The following LIMA1 variants were observed in gnomAD, a reference collection of about 807,000 sequenced individuals.
The protein encoded by LIMA1 is LIM domain and actin binding 1.
In LIMA1, 52 loss-of-function variants were observed where a neutral mutation model predicts 62.6. The observed-to-expected ratio is 0.83, with a 90% CI of 0.67 to 1.05. The LOEUF (loss-of-function observed/expected upper bound fraction) is 1.05, where lower values mean the gene tolerates loss of function less well. Ranked by LOEUF, LIMA1 falls within the 50% of genes least tolerant of loss-of-function variation. The pLI, the probability that LIMA1 is intolerant of heterozygous loss-of-function variation, is 0.00. For missense variants in LIMA1, 780 were observed against 902.2 expected (o/e 0.86, Z 1.74); for synonymous variants, 302 against 317.8 (o/e 0.95, Z 0.53).
At position 50,260,147 on chromosome 12, in the gene LIMA1, C is replaced by CTT. The variant is rs869151267; in HGVS notation, c.-23-11375_-23-11374dup. On this transcript the variant is annotated intron_variant, in intron 1 of 10. Coordinates refer to ENST00000341247, the MANE Select transcript of LIMA1 (RefSeq NM_016357.5). ...TTCCTGGCTTCCACTCCTAGAGTTT[C>CTT]TTTTTTTTTTTTTTTTTTAGACAGA... 5.5e-3 allele frequency among the ~76,000 whole-genome samples: 746 copies of CTT among 135,272 alleles called. 7 individuals are homozygous for CTT. Among genetic ancestry groups the CTT allele is most frequent in the African/African-American group, 0.019 (723 of 37,260 alleles). 88.7% of individuals were successfully genotyped at this position (135,272 alleles called of 152,430 possible).
intron 1 of LIMA1, among the ~76,000 whole-genome samples, chr12:50,281,670 A>G (rs1031518111): frequency 6.6e-6 from 1 of 152,250 alleles, no homozygotes; most frequent in African/African-American, 2.4e-5. Flanking sequence ...CATTAACAAC[A>G]GGGTCTAATC....
chr12:50,220,540 A>T (rs115167754), intron 4 of LIMA1: 2,119 of 152,348 alleles, frequency 0.014, 45 homozygotes, highest in African/African-American at 0.049. Flanking sequence ...CAGTTTCAAC[A>T]TGCAGCAGCC....
chr12:50,277,282 T>C (rs1367032913), intron 1 of LIMA1, among the ~76,000 whole-genome samples: 1 of 152,070 alleles, frequency 6.6e-6, no homozygotes, highest in Admixed American at 6.6e-5. Context: ...TTTATACTTC[T>C]ATTTTCCTGA....
chr12:50,231,931 C>A (rs565903068), intron 2 of LIMA1, among the ~76,000 whole-genome samples: 1 of 151,546 alleles, frequency 6.6e-6, no homozygotes, highest in Non-Finnish European at 1.5e-5. Flanking sequence ...CCATGCCCAG[C>A]TAATTTTTGT....
intron 2 of LIMA1, among the ~76,000 whole-genome samples, chr12:50,245,428 AGAG>A (rs1178154836): frequency 1.4e-5 from 2 of 147,934 alleles, no homozygotes; most frequent in African/African-American, 5.0e-5. Flanking sequence ...AAAAAAAAAA[AGAG>A]AGAGAGAGAA....
chr12:50,276,206 A>G (rs1407615495), intron 1 of LIMA1, among the ~76,000 whole-genome samples: 1 of 152,166 alleles, frequency 6.6e-6, no homozygotes, highest in Non-Finnish European at 1.5e-5. Context: ...GACTGATTAA[A>G]GAACTCTTAT....
chr12:50,257,128 T>C (rs1942006777), intron 1 of LIMA1, among the ~76,000 whole-genome samples: 1 of 152,216 alleles, frequency 6.6e-6, no homozygotes, highest in South Asian at 2.1e-4. Flanking sequence ...GTCTTGCTTA[T>C]GGCAATTATT....
At chr12:50,277,214 T>TC (rs760202008) in intron 1 of LIMA1, among the ~76,000 whole-genome samples, 1 of 151,954 alleles carries the variant, frequency 6.6e-6, no homozygotes, top group Non-Finnish European at 1.5e-5. Flanking sequence ...CTTTTTGACT[T>TC]CTTTTTTTTT....
At chr12:50,219,875 G>C (rs1300387396) in intron 4 of LIMA1, 1 of 151,988 alleles carries the variant, frequency 6.6e-6, no homozygotes, top group Non-Finnish European at 1.5e-5. Flanking sequence ...TAGTAGAGAC[G>C]AGGTCTGGCT....
chr12:50,235,708 A>G (rs1941682477), intron 2 of LIMA1, among the ~76,000 whole-genome samples: 1 of 152,246 alleles, frequency 6.6e-6, no homozygotes, highest in Non-Finnish European at 1.5e-5. Context: ...TTCGTTGACC[A>G]TAACTAGGAA....
At chr12:50,182,091 C>T in intron 9 of LIMA1, 54 bp from the exon 10 acceptor site, 2 of 1,599,488 alleles carry the variant, frequency 1.3e-6, no homozygotes, top group South Asian at 2.2e-5. Flanking sequence ...TTAGCACTGT[C>T]TTGAGATGGA....
chr12:50,228,516 C>T (rs1217516350), intron 3 of LIMA1, among the ~76,000 whole-genome samples: 8 of 152,210 alleles, frequency 5.3e-5, no homozygotes, highest in Admixed American at 5.2e-4. Context: ...CTGCTGGTTA[C>T]TCCTTATATC....
chr12:50,275,772 C>G (rs1001607336), intron 1 of LIMA1, among the ~76,000 whole-genome samples: 1 of 152,086 alleles, frequency 6.6e-6, no homozygotes, highest in South Asian at 2.1e-4. Context: ...ATTGTAGGGT[C>G]ACAGTGCCAG....
At chr12:50,247,043 G>A (rs963306542) in intron 2 of LIMA1, among the ~76,000 whole-genome samples, 3 of 152,178 alleles carry the variant, frequency 2.0e-5, no homozygotes, top group African/African-American at 7.2e-5. Context: ...GGCTGAGGTG[G>A]GAGGATTGCT....
At chr12:50,267,665 G>A (rs527494709) in intron 1 of LIMA1, among the ~76,000 whole-genome samples, 1 of 151,724 alleles carries the variant, frequency 6.6e-6, no homozygotes, top group Non-Finnish European at 1.5e-5. Context: ...GACTACAGGT[G>A]CATGCCACCA....
In LIMA1 at chr12:50,227,237, C is replaced by CTTTTTTT. The variant is rs199650468; in HGVS notation, c.165+4421_165+4427dup. On this transcript the variant is annotated intron_variant, in intron 3 of 10. Transcript: ENST00000341247. Reference sequence around the variant, plus strand: ...AAGTCTTCACTTTCTTTTTTCTTTTCTTTTTTTTTTTTTTTTTTTGAGATG... The same window carrying CTTTTTTT: ...AAGTCTTCACTTTCTTTTTTCTTTTCTTTTTTTTTTTTTTTTTTTTTTTTTTGAGATG... Among the ~76,000 whole-genome samples, 879 of 123,898 alleles carry CTTTTTTT rather than the reference C, an allele frequency of 7.1e-3. 2 individuals carry two copies. The highest frequency in any genetic ancestry group is 8.9e-3 in the Non-Finnish European group (537 of 60,574). 81.3% of individuals were successfully genotyped at this position (123,898 alleles called of 152,430 possible).
chr12:50,237,710 CA>C (rs1941716103), intron 2 of LIMA1, among the ~76,000 whole-genome samples: 1 of 151,776 alleles, frequency 6.6e-6, no homozygotes, highest in African/African-American at 2.4e-5. Context: ...ACAGTTAAAA[CA>C]AAACAGTATG....
In LIMA1 at chr12:50,256,056, A is replaced by AT. The variant is rs992444522; in HGVS notation, c.-23-7283dup. Among the ~76,000 whole-genome samples the AT allele has an allele frequency of 1.8e-3, 262 of 146,514 alleles. 1 individual carries two copies. The highest frequency in any genetic ancestry group is 4.3e-3 in the African/African-American group (174 of 40,208). On this transcript the variant is annotated intron_variant, in intron 1 of 10. Transcript: ENST00000341247. ...AGGCATGTGCCACCACACTCGGCTAATTTTTTTTTTTGTATTTTTAGTAGA... is the reference window on the plus strand; with the variant it reads ...AGGCATGTGCCACCACACTCGGCTAATTTTTTTTTTTTGTATTTTTAGTAGA...
intron 6 of LIMA1, 69 bp downstream of exon 6, chr12:50,204,482 AT>A: frequency 1.3e-6 from 2 of 1,504,464 alleles, no homozygotes; most frequent in Non-Finnish European, 1.8e-6. Context: ...ACATTTCCTA[AT>A]TCCAGTACTC....
Sources: allele counts gnomAD v4.1 joint callset (sites outside exome capture counted in the v4.1 genomes callset), GRCh38; gene constraint gnomAD v4.1.1; transcripts MANE v1.5; gene names NCBI Gene and HGNC (gene_info 2026-07-23, HGNC 2026-07-21).